The following GRIN2A variants were observed in gnomAD, a reference collection of about 807,000 sequenced individuals.
GRIN2A encodes glutamate receptor ionotropic, NMDA 2A.
GRIN2A carries 22 observed loss-of-function variants against 113.4 expected under a neutral mutation model. The observed-to-expected ratio is 0.19, with a 90% CI of 0.14 to 0.28. The LOEUF is 0.28. Ranked by LOEUF, GRIN2A falls within the 10% of genes least tolerant of loss-of-function variation. The probability of loss-of-function intolerance (pLI) is 1.00; values close to 1 mark genes in which losing one functional copy is unlikely to be tolerated. For synonymous variants in GRIN2A, 827 were observed against 738.4 expected (o/e 1.12, Z -1.94); for missense variants, 1,502 against 1,887.0 (o/e 0.80, Z 3.78).
At chr16:10,059,078 C>T (rs1387185499) in intron 2 of GRIN2A, among the ~76,000 whole-genome samples, 2 of 152,134 alleles carry the variant, frequency 1.3e-5, no homozygotes, top group African/African-American at 4.8e-5. Flanking sequence ...AGGAGAAGAA[C>T]TTGGGCATCA....
At chr16:10,063,618 C>T (rs1171104082) in intron 2 of GRIN2A, among the ~76,000 whole-genome samples, 2 of 152,052 alleles carry the variant, frequency 1.3e-5, no homozygotes, top group African/African-American at 4.8e-5. Context: ...TTTAGTATCC[C>T]GTGAATATTT....
chr16:9,966,245 C>T (rs778506265), intron 2 of GRIN2A, among the ~76,000 whole-genome samples: 5 of 152,152 alleles, frequency 3.3e-5, no homozygotes, highest in Non-Finnish European at 5.9e-5. Flanking sequence ...CTATTAGTTA[C>T]TTTCCCGACT....
chr16:9,980,517 G>T (rs189825344), intron 2 of GRIN2A, among the ~76,000 whole-genome samples: 154 of 152,216 alleles, frequency 1.0e-3, no homozygotes, highest in African/African-American at 3.6e-3. Context: ...AAATCATGCT[G>T]CTATAAAGAC....
At chr16:9,931,908 T>G (rs2141611101) in intron 3 of GRIN2A, among the ~76,000 whole-genome samples, 1 of 152,276 alleles carries the variant, frequency 6.6e-6, no homozygotes. Flanking sequence ...AACCACAGGC[T>G]AAAATGTGAT....
chr16:9,881,040 C>T (rs1457420982), intron 4 of GRIN2A, among the ~76,000 whole-genome samples: 1 of 152,102 alleles, frequency 6.6e-6, no homozygotes, highest in Non-Finnish European at 1.5e-5. Flanking sequence ...TTTTCTTTGA[C>T]AAATAAGTGT....
chr16:9,815,021 C>CAA (rs60827287), intron 10 of GRIN2A, among the ~76,000 whole-genome samples: 4 of 76,334 alleles, frequency 5.2e-5, no homozygotes, highest in African/African-American at 7.2e-5. Context: ...AACTCCGTTT[C>CAA]AAAAAAAAAA....
chr16:9,784,745 A>C (rs1214102170), intron 11 of GRIN2A, among the ~76,000 whole-genome samples: 25 of 149,682 alleles, frequency 1.7e-4, no homozygotes, highest in East Asian at 1.9e-4. Flanking sequence ...AATTTACAAG[A>C]AAAAAACAAA....
intron 2 of GRIN2A, among the ~76,000 whole-genome samples, chr16:10,085,467 C>G (rs1436975423): frequency 6.6e-6 from 1 of 152,186 alleles, no homozygotes; most frequent in African/African-American, 2.4e-5. Context: ...AATTTGGCCC[C>G]ATGTGTCAAA....
chr16:10,166,285 T>C (rs979429712), intron 2 of GRIN2A, among the ~76,000 whole-genome samples: 1 of 152,172 alleles, frequency 6.6e-6, no homozygotes, highest in Admixed American at 6.5e-5. Context: ...AAAAGCTCAA[T>C]GTTTGATGGT....
chr16:9,764,494 G>T lies in GRIN2A; in HGVS notation c.3050C>A (p.Ser1017Tyr). 1 of 1,614,124 alleles carries T rather than the reference G, an allele frequency of 6.2e-7. No individual in the cohort carries two copies. The highest frequency in any genetic ancestry group is 8.5e-7 in the Non-Finnish European group (1 of 1,180,020). Residue 1017 changes from serine (S) to tyrosine (Y), a missense_variant, in exon 13 of 13, where the codon TCC (serine) becomes TAC (tyrosine). By Grantham distance (144) the Ser-to-Tyr change is moderately radical. This residue lies in a region of GRIN2A where 832 missense variants were observed against 789.7 expected (regional missense o/e 1.05). Transcript: ENST00000330684. The stretch of plus-strand genomic sequence containing the variant: ...TGAATCCTGGCGTATGGAATCCACG[G>T]ATTTCTTCCACAGCTGCCGGGGTCT... Reference protein sequence around the residue: ...NSRPRQLWKKSVDSIRQDSLS... With the variant: ...NSRPRQLWKKYVDSIRQDSLS...
chr16:9,821,720 T>C (rs2042288770), intron 10 of GRIN2A, among the ~76,000 whole-genome samples: 1 of 152,202 alleles, frequency 6.6e-6, no homozygotes. Flanking sequence ...CATCTTCAGC[T>C]ATGGAGTCTG....
chr16:9,815,932 G>T (rs2042177747), intron 10 of GRIN2A, among the ~76,000 whole-genome samples: 1 of 152,224 alleles, frequency 6.6e-6, no homozygotes, highest in East Asian at 1.9e-4. Context: ...ATACTGTTTA[G>T]CCTTAAAAAG....
At chr16:10,007,081 C>T (rs2046416664) in intron 2 of GRIN2A, among the ~76,000 whole-genome samples, 1 of 152,184 alleles carries the variant, frequency 6.6e-6, no homozygotes, top group African/African-American at 2.4e-5. Context: ...ATGAATAGTG[C>T]TGTAATAAAC....
intron 4 of GRIN2A, among the ~76,000 whole-genome samples, chr16:9,865,740 C>A (rs1053071535): frequency 7.9e-5 from 12 of 152,166 alleles, no homozygotes; most frequent in Non-Finnish European, 1.5e-4. Flanking sequence ...GGTAACACAG[C>A]AGTGAATAGA....
At chr16:9,803,354 C>A (rs1425442018) in intron 10 of GRIN2A, among the ~76,000 whole-genome samples, 1 of 151,828 alleles carries the variant, frequency 6.6e-6, no homozygotes, top group East Asian at 1.9e-4. Context: ...TTGCAGTGAG[C>A]CGAGATTGCA....
intron 2 of GRIN2A, among the ~76,000 whole-genome samples, chr16:10,161,539 A>T (rs1008151737): frequency 6.6e-6 from 1 of 152,250 alleles, no homozygotes; most frequent in Non-Finnish European, 1.5e-5. Flanking sequence ...TTTAAGATCA[A>T]ATTCAGAGAA....
chr16:10,134,196 A>G (rs1029221074), intron 2 of GRIN2A, among the ~76,000 whole-genome samples: 3 of 19,204 alleles, frequency 1.6e-4, no homozygotes, highest in Non-Finnish European at 2.0e-4. Flanking sequence ...CTGTTTCCAG[A>G]AAAAAAAAAA....
intron 2 of GRIN2A, among the ~76,000 whole-genome samples, chr16:10,173,990 G>C (rs568813578): frequency 6.6e-6 from 1 of 152,134 alleles, no homozygotes; most frequent in Non-Finnish European, 1.5e-5. Flanking sequence ...AATAAGAAAA[G>C]AGAATCACAG....
chr16:10,102,991 G>C (rs187738954), intron 2 of GRIN2A, among the ~76,000 whole-genome samples: 255 of 152,282 alleles, frequency 1.7e-3, no homozygotes, highest in Non-Finnish European at 3.2e-3. Flanking sequence ...TCTGCTCTGT[G>C]CCATCCCCTA....
Sources: allele counts gnomAD v4.1 joint callset (sites outside exome capture counted in the v4.1 genomes callset), GRCh38; gene constraint gnomAD v4.1.1; regional missense constraint gnomAD v4.1.1; transcripts MANE v1.5; gene names NCBI Gene and HGNC (gene_info 2026-07-23, HGNC 2026-07-21).